NAA38: variants seen among roughly 807,000 people sequenced by gnomAD.
NAA38 encodes N-alpha-acetyltransferase 38, NatC auxiliary subunit, also known as LSM domain containing 1.
NAA38 carries 15 observed loss-of-function variants against 12.6 expected under a neutral mutation model. The ratio of observed to expected loss-of-function variants is 1.19; its 90% CI spans 0.79 to 1.83. The LOEUF (loss-of-function observed/expected upper bound fraction) is 1.83. NAA38 is among the 40% of genes most tolerant of loss of function. The pLI is 0.00. For missense variants in NAA38, 183 were observed against 171.7 expected, an observed-to-expected ratio of 1.07 and a Z score of -0.37; for synonymous variants, 88 against 69.9, an observed-to-expected ratio of 1.26 and a Z score of -1.29.
rs1385211128 is a variant in NAA38 at position 7,856,825 on chromosome 17, T to C, written c.284A>G (p.Glu95Gly). The change falls in exon 3 of 3, where the codon GAG (glutamate) becomes GGG (glycine). Residue 95 changes from glutamate (E) to glycine (G), a missense_variant. By Grantham distance (98) the Glu-to-Gly change is moderately conservative. Coordinates refer to ENST00000575771, the MANE Select transcript of NAA38 (RefSeq NM_001320925.4). ...CATGGCCAGGCCCAGCACACGGGGC[T>C]CCCCGGCAGAGAAGGAATCTGGAAA... is the stretch of plus-strand genomic sequence containing the variant. ...LKPSDSFSAG[E>G]PRVLGLAMVP... is the part of the protein sequence containing the mutation. 6.2e-7 allele frequency: 1 copy of C among 1,613,536 alleles called. No individual in the cohort carries two copies. The highest frequency in any genetic ancestry group is 1.1e-5 in the South Asian group (1 of 91,068).
At chr17:7,870,059 T>C (rs1967059660) in intron 2 of NAA38, among the ~76,000 whole-genome samples, 1 of 152,164 alleles carries the variant, frequency 6.6e-6, no homozygotes, top group South Asian at 2.1e-4. Flanking sequence ...GTTTTTGCCA[T>C]TTTGTATAGG....
chr17:7,864,354 A>G (rs1966925942), intron 3 of NAA38: 1 of 152,256 alleles, frequency 6.6e-6, no homozygotes, highest in African/African-American at 2.4e-5. Context: ...CAAAGTGGGA[A>G]TGGGAGTAAA....
intron 2 of NAA38, chr17:7,877,075 G>T: frequency 2.6e-6 from 1 of 380,536 alleles, no homozygotes; most frequent in Non-Finnish European, 5.3e-6. Context: ...AGATTCATGA[G>T]GAATTATTTC....
intron 2 of NAA38, among the ~76,000 whole-genome samples, chr17:7,875,917 C>G (rs1447953406): frequency 6.6e-6 from 1 of 152,204 alleles, no homozygotes; most frequent in Non-Finnish European, 1.5e-5. Context: ...TGTCTAACTT[C>G]TCTTACTTAG....
chr17:7,857,448 G>T lies in NAA38; in HGVS notation c.16C>A (p.Pro6Thr). Residue 6 changes from proline (P) to threonine (T), a missense_variant, in exon 1 of 3, where the codon CCG (proline) becomes ACG (threonine). Pro to Thr is a conservative substitution (Grantham distance 38). Transcript: ENST00000575771. ...TTCTCTTCTCGTAGCAGCATGGTCG[G>T]TCCAGCTCCGGCCATTTGCCCGGAG... Reference protein sequence around the residue: MAGAGPTMLLREENGC... With the variant: MAGAGTTMLLREENGC... 1 of 1,549,776 alleles carries T rather than the reference G, an allele frequency of 6.5e-7. No homozygotes were observed. Among genetic ancestry groups the T allele is most frequent in the Non-Finnish European group, 8.7e-7 (1 of 1,148,140 alleles).
At chr17:7,884,695 CGAG>C (rs1273939480) in intron 1 of NAA38, 16,639 of 254,686 alleles carry the variant, frequency 0.065, 9 homozygotes, top group East Asian at 0.086. Context: ...ACGCCGCCGC[CGAG>C]GAGGAGGAGG....
chr17:7,859,411 C>T, upstream of NAA38: 2 of 1,614,066 alleles, frequency 1.2e-6, no homozygotes, highest in South Asian at 1.1e-5. Flanking sequence ...TATGGGAAAT[C>T]CTACACCGCT....
At chr17:7,879,072 TA>T (rs1238658822) in intron 2 of NAA38, among the ~76,000 whole-genome samples, 6 of 151,996 alleles carry the variant, frequency 3.9e-5, no homozygotes, top group Non-Finnish European at 7.4e-5. Context: ...CCTCTCAGAA[TA>T]AAGGACAGAC....
chr17:7,866,409 C>A, intron 3 of NAA38: 1 of 1,157,910 alleles, frequency 8.6e-7, no homozygotes, highest in Non-Finnish European at 1.1e-6. Context: ...CGCCCGGCCG[C>A]CACGGGGAAC....
chr17:7,882,696 AG>A (rs944890640), intron 2 of NAA38, among the ~76,000 whole-genome samples: 3 of 152,160 alleles, frequency 2.0e-5, no homozygotes, highest in Admixed American at 6.5e-5. Context: ...TAAAAAAAAA[AG>A]AGATGGAAAC....
chr17:7,867,527 C>T (rs200423311), intron 2 of NAA38, among the ~76,000 whole-genome samples: 2 of 152,074 alleles, frequency 1.3e-5, no homozygotes, highest in Admixed American at 1.3e-4. Context: ...TTAGTAGAGA[C>T]GGGGTTTCAC....
chr17:7,857,083 C>G lies in NAA38; in HGVS notation c.197G>C (p.Cys66Ser). 6.2e-7 allele frequency: 1 copy of G among 1,613,560 alleles called. No individual in the cohort carries two copies. Among genetic ancestry groups the G allele is most frequent in the Non-Finnish European group, 8.5e-7 (1 of 1,180,044 alleles). The change falls in exon 2 of 3, where the codon TGC (cysteine) becomes TCC (serine). Residue 66 changes from cysteine to serine, a missense_variant. Physicochemically the swap from Cys to Ser is moderately radical, Grantham distance 112. Coordinates refer to ENST00000575771, the MANE Select transcript of NAA38 (RefSeq NM_001320925.4). ...RMTDGRTLVG[C>S]FLCTDRDCNV... is the part of the protein sequence containing the mutation. ...GCAGTCACGGTCAGTGCAGAGGAAG[C>G]AGCCGACCAGTGTCCGTCCATCTGT... is the stretch of plus-strand genomic sequence containing the variant.
chr17:7,881,885 C>T (rs1967278806), intron 2 of NAA38, among the ~76,000 whole-genome samples: 1 of 150,774 alleles, frequency 6.6e-6, no homozygotes, highest in South Asian at 2.1e-4. Context: ...GCCAGAGAAG[C>T]AGACAGACAA....
At chr17:7,866,348 T>G (rs1020824745) in intron 3 of NAA38, 3 of 427,050 alleles carry the variant, frequency 7.0e-6, no homozygotes, top group African/African-American at 4.2e-5. Context: ...GACCTCGTGA[T>G]CCGCCCGCCT....
At chr17:7,875,705 G>A (rs983079939) in intron 2 of NAA38, among the ~76,000 whole-genome samples, 4 of 152,090 alleles carry the variant, frequency 2.6e-5, no homozygotes, top group African/African-American at 9.7e-5. Context: ...GAATTCAGGG[G>A]TTTTTAGTAT....
At chr17:7,868,292 T>C (rs1252163054) in intron 2 of NAA38, among the ~76,000 whole-genome samples, 1 of 151,928 alleles carries the variant, frequency 6.6e-6, no homozygotes, top group South Asian at 2.1e-4. Flanking sequence ...CGGCCAACAG[T>C]ATAAAGTGCT....
upstream of NAA38, chr17:7,862,580 A>G (rs1371060376): frequency 6.6e-6 from 1 of 152,076 alleles, no homozygotes; most frequent in African/African-American, 2.4e-5. Flanking sequence ...TCTACTAAAA[A>G]TCCAAAAAAT....
intron 2 of NAA38, among the ~76,000 whole-genome samples, chr17:7,871,947 G>T (rs1967093524): frequency 6.6e-6 from 1 of 152,150 alleles, no homozygotes; most frequent in Non-Finnish European, 1.5e-5. Context: ...GAGCCACCAA[G>T]CCTGTCCTTA....
At chr17:7,857,228 G>C (rs372466067) in intron 1 of NAA38, 30 bp from the exon 2 acceptor site, 7 of 1,611,842 alleles carry the variant, frequency 4.3e-6, no homozygotes, top group Non-Finnish European at 5.1e-6. Flanking sequence ...CGCTCAGACC[G>C]CGCAGCCCAG....
Sources: allele counts gnomAD v4.1 joint callset (sites outside exome capture counted in the v4.1 genomes callset), GRCh38; gene constraint gnomAD v4.1.1; transcripts MANE v1.5; gene names NCBI Gene and HGNC (gene_info 2026-07-23, HGNC 2026-07-21).